The following HYDIN variants were observed in gnomAD, a reference collection of about 807,000 sequenced individuals.
The protein encoded by HYDIN is HYDIN axonemal central pair apparatus protein.
A neutral mutation model predicts 403.9 loss-of-function variants in HYDIN; 132 were observed. The ratio of observed to expected loss-of-function variants is 0.33; its 90% CI spans 0.28 to 0.38. HYDIN has a LOEUF of 0.38. Among genes scored for constraint, HYDIN ranks in the 10% least tolerant of loss-of-function variants. HYDIN has a pLI of 1.00. For synonymous variants in HYDIN, 1,202 were observed against 1,891.7 expected (o/e 0.64, Z 9.46); for missense variants, 2,827 against 5,009.5 (o/e 0.56, Z 13.15).
Position 70,862,957 on chromosome 16 carries a change from A to G in HYDIN, c.11569+128T>C, listed in dbSNP as rs920832714. ...CCCATTTGGCTCTGCAGACACCACA[A>G]GGTCTCTGCTTTGCTTTTCTTTAGC... On this transcript the variant is annotated intron_variant, in intron 68 of 85. Coordinates refer to ENST00000393567, the MANE Select transcript of HYDIN (RefSeq NM_001270974.2). 5 of 592,466 alleles carry G rather than the reference A, an allele frequency of 8.4e-6. No individual in the cohort carries two copies. The Admixed American group carries it at 1.2e-4, about 14-fold the overall frequency. 36.7% of individuals were successfully genotyped at this position (592,466 alleles called of 1,614,324 possible). A position where few individuals can be genotyped will look rare whatever the true frequency, so the allele number is the denominator to read the frequency against.
intron 53 of HYDIN, among the ~76,000 whole-genome samples, chr16:70,896,994 T>TC (rs1475879981): frequency 1.4e-5 from 2 of 140,572 alleles, no homozygotes; most frequent in Non-Finnish European, 3.1e-5. Context: ...ACTCTTTTTT[T>TC]CCCTCTTCTT....
intron 80 of HYDIN, among the ~76,000 whole-genome samples, chr16:70,831,530 A>C (rs1211354119): frequency 4.2e-5 from 5 of 119,442 alleles, no homozygotes; most frequent in African/African-American, 9.1e-5. Flanking sequence ...AAAAAAAACC[A>C]AAAAAAAAAA....
At chr16:71,161,803 G>A (rs2086011836) in intron 6 of HYDIN, among the ~76,000 whole-genome samples, 2 of 151,036 alleles carry the variant, frequency 1.3e-5, no homozygotes. Flanking sequence ...ATTAGGATAT[G>A]GACATGTCTG....
chr16:71,100,186 T>C (rs1369625514), intron 10 of HYDIN, among the ~76,000 whole-genome samples: 1 of 152,192 alleles, frequency 6.6e-6, no homozygotes, highest in Non-Finnish European at 1.5e-5. Context: ...ACTTGAAAAC[T>C]TCAAAGCAAA....
At chr16:70,828,905 A>G (rs1407032408) in intron 81 of HYDIN, among the ~76,000 whole-genome samples, 1 of 143,394 alleles carries the variant, frequency 7.0e-6, no homozygotes, top group Admixed American at 7.0e-5. Context: ...GCTGTATCTG[A>G]ATAAGGATTG....
chr16:71,101,515 AAAT>A (rs1568154844), intron 10 of HYDIN, among the ~76,000 whole-genome samples: 1 of 141,678 alleles, frequency 7.1e-6, no homozygotes, highest in Non-Finnish European at 1.5e-5. Flanking sequence ...CACAATAGAA[AAAT>A]GGGCAAAGGC....
At chr16:71,011,467 G>A (rs2080079519) in intron 23 of HYDIN, among the ~76,000 whole-genome samples, 1 of 151,908 alleles carries the variant, frequency 6.6e-6, no homozygotes, top group Non-Finnish European at 1.5e-5. Flanking sequence ...AGCACTTCGG[G>A]AGACTGAGGT....
At chr16:71,215,428 T>C (rs968764816) in intron 1 of HYDIN, among the ~76,000 whole-genome samples, 4 of 152,196 alleles carry the variant, frequency 2.6e-5, no homozygotes, top group African/African-American at 4.8e-5. Context: ...ATAGCACTAT[T>C]TGAAAATCAT....
Position 70,840,088 on chromosome 16 carries a change from G to A in HYDIN, c.13019C>T (p.Thr4340Ile), listed in dbSNP as rs1273005129. The part of the protein sequence containing the change: ...MPPYKQTLVI[T>I]NKEETPMSID... ...CCTCATAGGTGTTTCTTCCTTGTTG[G>A]TAATTACCAGGGTTTGTTTGTATGG... The change falls in exon 76 of 86, where the codon ACC becomes ATC. Residue 4340 changes from threonine (T) to isoleucine (I), a missense_variant. Physicochemically the swap from Thr to Ile is moderately conservative, Grantham distance 89. Transcript: ENST00000393567. The A allele has an allele frequency of 1.3e-6, 1 of 791,872 alleles. No individual in the cohort carries two copies. Among genetic ancestry groups the A allele is most frequent in the Non-Finnish European group, 2.0e-6 (1 of 504,910 alleles). The allele number at this position is 791,872 out of a possible 1,614,324, so 49.1% of individuals were successfully genotyped here.
chr16:71,036,386 C>A, intron 18 of HYDIN, among the ~76,000 whole-genome samples: 1 of 151,366 alleles, frequency 6.6e-6, no homozygotes, highest in Admixed American at 6.6e-5. Context: ...AAACATAAAT[C>A]AATGCCATTT....
intron 21 of HYDIN, among the ~76,000 whole-genome samples, chr16:71,023,388 G>T (rs1308252207): frequency 6.6e-6 from 1 of 152,100 alleles, no homozygotes; most frequent in Non-Finnish European, 1.5e-5. Flanking sequence ...TTTGTTATAT[G>T]GGTGTACATG....
At chr16:70,939,091 T>G (rs896928941) in intron 43 of HYDIN, among the ~76,000 whole-genome samples, 4 of 152,158 alleles carry the variant, frequency 2.6e-5, no homozygotes, top group African/African-American at 9.7e-5. Flanking sequence ...AGTCTAATTA[T>G]AAGGGTCCTT....
At chr16:71,049,229 A>G (rs540888659) in intron 18 of HYDIN, among the ~76,000 whole-genome samples, 9 of 152,380 alleles carry the variant, frequency 5.9e-5, no homozygotes, top group Non-Finnish European at 1.0e-4. Flanking sequence ...TGCAGGAAGC[A>G]AGGAATGAGG....
At chr16:70,840,678 TA>T (rs2037756785) in intron 75 of HYDIN, among the ~76,000 whole-genome samples, 1 of 152,222 alleles carries the variant, frequency 6.6e-6, no homozygotes, top group Non-Finnish European at 1.5e-5. Flanking sequence ...CTATCTTGAA[TA>T]AAGAGGCAAA....
rs2084623374 is a variant in HYDIN, at chr16:71,129,625, T to G, written c.1227+15A>C. 6.3e-7 allele frequency: 1 copy of G among 1,594,822 alleles called. No homozygotes were observed. The highest frequency in any genetic ancestry group is 1.1e-5 in the South Asian group (1 of 87,474). ...TTACATTTCCTGTATGGTCAGCTTTTATTTATATGCTCACCAGGGGCTCCA... is the reference window on the plus strand; with the variant it reads ...TTACATTTCCTGTATGGTCAGCTTTGATTTATATGCTCACCAGGGGCTCCA... On this transcript the variant is annotated intron_variant, in intron 9 of 85. Transcript: ENST00000393567.
At chr16:71,222,967 A>G (rs1166049013) in intron 1 of HYDIN, among the ~76,000 whole-genome samples, 1 of 152,192 alleles carries the variant, frequency 6.6e-6, no homozygotes, top group Non-Finnish European at 1.5e-5. Flanking sequence ...GAACTACAAC[A>G]AACAATTCTA....
chr16:71,227,958 C>T (rs2041113443), intron 1 of HYDIN, among the ~76,000 whole-genome samples: 1 of 152,080 alleles, frequency 6.6e-6, no homozygotes, highest in African/African-American at 2.4e-5. Context: ...GGTACCAAAA[C>T]AGAGATATAG....
chr16:71,115,924 T>C (rs959646636), intron 9 of HYDIN, 129 bp from the exon 10 acceptor site: 5 of 591,844 alleles, frequency 8.4e-6, no homozygotes, highest in Non-Finnish European at 1.5e-5. Context: ...GTATACAACA[T>C]GTTTTGATAT....
chr16:70,960,720 T>A (rs115855020), intron 38 of HYDIN, among the ~76,000 whole-genome samples: 8,641 of 152,026 alleles, frequency 0.057, 541 homozygotes, highest in African/African-American at 0.2. Flanking sequence ...TGAGATGGCA[T>A]CTCGCTCTGT....
Sources: allele counts gnomAD v4.1 joint callset (sites outside exome capture counted in the v4.1 genomes callset), GRCh38; gene constraint gnomAD v4.1.1; transcripts MANE v1.5; gene names NCBI Gene and HGNC (gene_info 2026-07-23, HGNC 2026-07-21).